The following MBTPS2 variants were observed in gnomAD, a reference collection of about 807,000 sequenced individuals.
MBTPS2 encodes membrane bound transcription factor peptidase, site 2.
In MBTPS2, 2 loss-of-function variants were observed where a neutral mutation model predicts 35.4. That is an observed-to-expected ratio of 0.06 (90% CI 0.02 to 0.18). The LOEUF (loss-of-function observed/expected upper bound fraction) is 0.18, where lower values mean the gene tolerates loss of function less well. Ranked by LOEUF, MBTPS2 falls within the 10% of genes least tolerant of loss-of-function variation. MBTPS2 has a pLI of 1.00. For synonymous variants in MBTPS2, 125 were observed against 140.4 expected, an observed-to-expected ratio of 0.89 and a Z score of 0.77; for missense variants, 244 against 386.5, an observed-to-expected ratio of 0.63 and a Z score of 3.09.
intron 5 of MBTPS2, among the ~76,000 whole-genome samples, chrX:21,864,880 C>CTTT (rs201224155): frequency 9.0e-5 from 8 of 88,506 alleles, no homozygotes; most frequent in East Asian, 3.4e-4. Flanking sequence ...TTCTTTCTTT[C>CTTT]TTTTTTTTTT....
chrX:21,881,945 A>T (rs1194331589), intron 10 of MBTPS2, among the ~76,000 whole-genome samples: 3 of 111,790 alleles, frequency 2.7e-5, no homozygotes, highest in Non-Finnish European at 5.6e-5. Context: ...CAACAACAAC[A>T]ACAAAAAAGA....
In MBTPS2 at chrX:21,843,221, C is replaced by T. The variant is rs1210945445; in HGVS notation, c.127C>T (p.Leu43=). 2.5e-6 allele frequency: 3 copies of T among 1,208,941 alleles called. No individual in the cohort carries two copies. The highest frequency in any genetic ancestry group is 3.4e-6 in the Non-Finnish European group (3 of 892,804). The change falls in exon 2 of 11, where the codon CTG becomes TTG. Residue 43 remains leucine (L), a synonymous_variant. Transcript: ENST00000379484. ...SYEDWLENNG[L]SISPFHIRWQ... The stretch of plus-strand genomic sequence containing the variant: ...TGAAGACTGGCTGGAAAACAACGGA[C>T]TGAGCATCTCCCCTTTCCACATAAG...
intron 5 of MBTPS2, among the ~76,000 whole-genome samples, chrX:21,867,250 ATGTAT>A (rs1244551911): frequency 8.9e-6 from 1 of 112,032 alleles, no homozygotes; most frequent in Non-Finnish European, 1.9e-5. Context: ...ATAGATGAAA[ATGTAT>A]TGTAAATTAA....
At chrX:21,864,636 A>T (rs1016060447) in intron 5 of MBTPS2, among the ~76,000 whole-genome samples, 6 of 110,507 alleles carry the variant, frequency 5.4e-5, no homozygotes, top group African/African-American at 2.0e-4. Flanking sequence ...AGCCTGGGCA[A>T]CATGGCAAGA....
At chrX:21,839,839 C>A in intron 1 of MBTPS2, 30 bp downstream of exon 1, 1 of 1,155,936 alleles carries the variant, frequency 8.7e-7, no homozygotes. Context: ...GGTCCAAGCC[C>A]GCGGTGCCCA....
chrX:21,853,069 T>C (rs2092916545), intron 4 of MBTPS2, among the ~76,000 whole-genome samples: 1 of 111,291 alleles, frequency 9.0e-6, no homozygotes, highest in African/African-American at 3.3e-5. Context: ...ATAAAAGCCA[T>C]TTCTGTATAT....
intron 9 of MBTPS2, 91 bp downstream of exon 9, chrX:21,878,783 C>A: frequency 1.6e-6 from 1 of 617,583 alleles, no homozygotes; most frequent in Non-Finnish European, 2.7e-6. Flanking sequence ...TGAATTAATA[C>A]ATTTATTATA....
chrX:21,877,231 C>T (rs2092954123), intron 7 of MBTPS2, among the ~76,000 whole-genome samples: 2 of 111,751 alleles, frequency 1.8e-5, no homozygotes, highest in Non-Finnish European at 3.8e-5. Flanking sequence ...CACTTGAGGT[C>T]AGGAGTTCGA....
rs60769329 is a variant in MBTPS2 at position 21,879,949 on chromosome X, C to CTTTTTTTTT, written c.1262-935_1262-927dup. On this transcript the variant is annotated intron_variant, in intron 9 of 10. Coordinates refer to ENST00000379484, the MANE Select transcript of MBTPS2 (RefSeq NM_015884.4). ...ATGGATATGTGGGTTTTATGTTATT[C>CTTTTTTTTT]TTTTTTTTTTTTTTTTTTTTTGAGA... Among the ~76,000 whole-genome samples the CTTTTTTTTT allele has an allele frequency of 2.5e-4, 12 of 47,421 alleles. 3 individuals are homozygous for CTTTTTTTTT. The highest frequency in any genetic ancestry group is 1.3e-3 in the African/African-American group (10 of 7,494). The allele number at this position is 47,421 out of a possible 115,157, so 41.2% of individuals were successfully genotyped here.
At chrX:21,845,957 T>A (rs893135243) in intron 3 of MBTPS2, among the ~76,000 whole-genome samples, 1 of 112,161 alleles carries the variant, frequency 8.9e-6, no homozygotes, top group Non-Finnish European at 1.9e-5. Context: ...TTGGCTCACT[T>A]TTATTTCACA....
At chrX:21,855,780 C>T (rs761048517) in intron 5 of MBTPS2, among the ~76,000 whole-genome samples, 8 of 105,130 alleles carry the variant, frequency 7.6e-5, no homozygotes, top group South Asian at 4.7e-4. Context: ...ACCCAGGAGG[C>T]GGAGGTTGCA....
At chrX:21,863,355 CTT>C (rs895600204) in intron 5 of MBTPS2, among the ~76,000 whole-genome samples, 2 of 108,935 alleles carry the variant, frequency 1.8e-5, no homozygotes, top group Non-Finnish European at 1.9e-5. Flanking sequence ...GCTTTGTACT[CTT>C]GAGTAAATTA....
chrX:21,872,172 C>T (rs2092947989), intron 7 of MBTPS2: 2 of 111,775 alleles, frequency 1.8e-5, no homozygotes, highest in Admixed American at 1.9e-4. Flanking sequence ...TTCTTAAGTC[C>T]TTTATCCTTT....
At chrX:21,864,255 C>T (rs969968398) in intron 5 of MBTPS2, among the ~76,000 whole-genome samples, 3 of 111,945 alleles carry the variant, frequency 2.7e-5, no homozygotes, top group African/African-American at 9.7e-5. Context: ...TTGTTTGAGA[C>T]GGAGTTTTGC....
At chrX:21,840,466 C>T (rs2092901484) in intron 1 of MBTPS2, among the ~76,000 whole-genome samples, 1 of 111,538 alleles carries the variant, frequency 9.0e-6, no homozygotes, top group Middle Eastern at 4.6e-3. Context: ...CACGCTGCAC[C>T]CCACTTCTTC....
chrX:21,875,969 A>G (rs1569328469), intron 7 of MBTPS2, among the ~76,000 whole-genome samples: 1 of 111,900 alleles, frequency 8.9e-6, no homozygotes, highest in Non-Finnish European at 1.9e-5. Context: ...ATATGAGATA[A>G]GGTAGTTTAA....
chrX:21,846,914 T>C (rs2092909276), intron 3 of MBTPS2, among the ~76,000 whole-genome samples: 1 of 111,575 alleles, frequency 9.0e-6, no homozygotes, highest in Non-Finnish European at 1.9e-5. Context: ...GTGGAGATCA[T>C]TTAAGAGCAG....
intron 2 of MBTPS2, among the ~76,000 whole-genome samples, chrX:21,843,960 C>G (rs1426857644): frequency 9.4e-6 from 1 of 106,583 alleles, no homozygotes; most frequent in Non-Finnish European, 1.9e-5. Flanking sequence ...ACTAAAAATA[C>G]AAAAATTAGC....
At chrX:21,877,279 TA>T (rs991562775) in intron 7 of MBTPS2, among the ~76,000 whole-genome samples, 3 of 111,396 alleles carry the variant, frequency 2.7e-5, no homozygotes, top group African/African-American at 9.8e-5. Context: ...CCATGTCTAC[TA>T]AAAATACAAA....
Sources: allele counts gnomAD v4.1 joint callset (sites outside exome capture counted in the v4.1 genomes callset), GRCh38; gene constraint gnomAD v4.1.1; transcripts MANE v1.5; gene names NCBI Gene and HGNC (gene_info 2026-07-23, HGNC 2026-07-21).